SCNN1G: variants seen among roughly 807,000 people sequenced by gnomAD.
SCNN1G encodes sodium channel epithelial 1 subunit gamma, also known as epithelial sodium channel subunit gamma.
Under a neutral mutation model 64.6 loss-of-function variants are expected in SCNN1G, and 27 were observed. The observed-to-expected ratio is 0.42, with a 90% confidence interval of 0.31 to 0.58. The LOEUF is 0.58. Among genes scored for constraint, SCNN1G ranks in the 20% least tolerant of loss-of-function variants. The probability of loss-of-function intolerance (pLI) is 0.18; values close to 1 mark genes in which losing one functional copy is unlikely to be tolerated. For missense variants in SCNN1G, 743 were observed against 823.4 expected (o/e 0.90, Z 1.19); for synonymous variants, 330 against 314.2 (o/e 1.05, Z -0.53).
chr16:23,184,489 AG>A (rs1342246400), intron 1 of SCNN1G, among the ~76,000 whole-genome samples: 1 of 151,946 alleles, frequency 6.6e-6, no homozygotes, highest in African/African-American at 2.4e-5. Context: ...CAATATTTTA[AG>A]TGATAAAAAA....
At chr16:23,213,250 C>CTTT in intron 11 of SCNN1G, 87 bp downstream of exon 11, 1 of 771,276 alleles carries the variant, frequency 1.3e-6, no homozygotes, top group African/African-American at 1.9e-5. Flanking sequence ...TGGCCAAATC[C>CTTT]TCTTTTTTTT....
intron 4 of SCNN1G, 83 bp downstream of exon 4, chr16:23,192,625 A>G (rs990991758): frequency 2.6e-6 from 3 of 1,151,728 alleles, no homozygotes; most frequent in African/African-American, 1.5e-5. Context: ...TACAGCCTTG[A>G]TGATAGGTCT....
rs1164327423 is a variant in SCNN1G at position 23,186,371 on chromosome 16, C to T, written c.100C>T (p.Leu34Phe). ...TIKELMRWYC[L>F]NTNTHGCRRI... ...TAAAGAGCTGATGCGGTGGTACTGC[C>T]TCAACACCAACACCCATGGCTGTCG... Residue 34 changes from leucine (L) to phenylalanine (F), a missense_variant, in exon 2 of 13, where the codon CTC becomes TTC. Transcript: ENST00000300061. The T allele has an allele frequency of 1.2e-6, 2 of 1,614,096 alleles. No homozygotes were observed. Among genetic ancestry groups the T allele is most frequent in the East Asian group, 2.2e-5 (1 of 44,898 alleles).
At chr16:23,200,931 A>C (rs1039137032) in intron 6 of SCNN1G, among the ~76,000 whole-genome samples, 1 of 152,192 alleles carries the variant, frequency 6.6e-6, no homozygotes, top group Non-Finnish European at 1.5e-5. Flanking sequence ...GAAACCATCA[A>C]AATGGTCTTT....
intron 7 of SCNN1G, among the ~76,000 whole-genome samples, chr16:23,210,646 C>A (rs1399602045): frequency 2.6e-5 from 4 of 152,138 alleles, no homozygotes; most frequent in Non-Finnish European, 5.9e-5. Context: ...TGAGAATCAT[C>A]CCAGCAGAAC....
chr16:23,186,165 C>T (rs1959602002), intron 1 of SCNN1G, 63 bp from the exon 2 acceptor site: 8 of 1,045,656 alleles, frequency 7.7e-6, no homozygotes, highest in Non-Finnish European at 8.9e-6. Context: ...ACTGTGGTCT[C>T]CAGGGACACA....
intron 6 of SCNN1G, among the ~76,000 whole-genome samples, chr16:23,198,831 G>A (rs1461789828): frequency 6.6e-6 from 1 of 151,936 alleles, no homozygotes; most frequent in Admixed American, 6.6e-5. Flanking sequence ...GAAGTGGGAC[G>A]ATCACTTGAG....
chr16:23,213,004 C>T (rs1026586224), intron 10 of SCNN1G, 98 bp from the exon 11 acceptor site: 4 of 1,524,870 alleles, frequency 2.6e-6, no homozygotes, highest in Non-Finnish European at 3.6e-6. Context: ...AAAGAATTAC[C>T]TTGTGGAGGC....
At chr16:23,186,746 C>A (rs1959613493) in intron 2 of SCNN1G, among the ~76,000 whole-genome samples, 158 bp downstream of exon 2, 1 of 152,194 alleles carries the variant, frequency 6.6e-6, no homozygotes. Flanking sequence ...TGGTAAACAG[C>A]CCCCTCCCCA....
intron 6 of SCNN1G, among the ~76,000 whole-genome samples, chr16:23,209,486 G>T (rs1021090017): frequency 6.6e-6 from 1 of 152,058 alleles, no homozygotes; most frequent in African/African-American, 2.4e-5. Context: ...TTATTTATTT[G>T]CTTGCTGACC....
intron 11 of SCNN1G, 124 bp downstream of exon 11, chr16:23,213,287 C>CT: frequency 1.4e-6 from 1 of 699,382 alleles, no homozygotes; most frequent in Non-Finnish European, 2.5e-6. Flanking sequence ...GAGTCTTACT[C>CT]TGTCACCCAG....
At chr16:23,192,289 G>C (rs1227478315) in intron 3 of SCNN1G, 63 bp from the exon 4 acceptor site, 2 of 1,318,314 alleles carry the variant, frequency 1.5e-6, no homozygotes, top group Admixed American at 3.4e-5. Context: ...TCATTCTTAT[G>C]GTCCTTCTGA....
rs376259589 is a variant in SCNN1G at position 23,213,252 on chromosome 16, CTT to C, written c.1493+109_1493+110del. ...TTCTGTATGTGTATGGCCAAATCCT[CTT>C]TTTTTTTTTTTTTTTTTTTATGGAG... On this transcript the variant is annotated intron_variant, in intron 11 of 12. Coordinates refer to ENST00000300061, the MANE Select transcript of SCNN1G (RefSeq NM_001039.4). The C allele has an allele frequency of 8.3e-3, 4,390 of 529,246 alleles. 2 individuals carry two copies. The highest frequency in any genetic ancestry group is 0.025 in the East Asian group (764 of 30,624). The allele number at this position is 529,246 out of a possible 1,614,324, so 32.8% of individuals were successfully genotyped here.
intron 4 of SCNN1G, among the ~76,000 whole-genome samples, chr16:23,193,588 G>A (rs777336382): frequency 6.6e-5 from 10 of 152,210 alleles, no homozygotes; most frequent in Non-Finnish European, 1.3e-4. Context: ...GGTTGAGGCT[G>A]CAGTGAGCCA....
At position 23,213,273 on chromosome 16, in the gene SCNN1G, T is replaced by TTTTA. The variant is rs149635780; in HGVS notation, c.1493+110_1493+111insTTTA. The TTTTA allele has an allele frequency of 1.0e-3, 710 of 702,330 alleles. 12 individuals carry two copies. The highest frequency in any genetic ancestry group is 1.2e-3 in the Non-Finnish European group (485 of 412,158). 43.5% of individuals were successfully genotyped at this position (702,330 alleles called of 1,614,324 possible). ...TCCTCTTTTTTTTTTTTTTTTTTTT[T>TTTTA]ATGGAGTCTTACTCTGTCACCCAGG... On this transcript the variant is annotated intron_variant, in intron 11 of 12. Coordinates refer to ENST00000300061, the MANE Select transcript of SCNN1G (RefSeq NM_001039.4).
chr16:23,204,334 T>TATATATATATATATATAGAGAGAGAG (rs1567267153), intron 6 of SCNN1G, among the ~76,000 whole-genome samples: 2 of 15,172 alleles, frequency 1.3e-4, no homozygotes, highest in Non-Finnish European at 2.2e-4. Flanking sequence ...TATATATATA[T>TATATATATATATATATAGAGAGAGAG]AGAGAGAGAG....
chr16:23,194,565 A>T (rs1377973542), intron 5 of SCNN1G, among the ~76,000 whole-genome samples: 1 of 152,250 alleles, frequency 6.6e-6, no homozygotes, highest in African/African-American at 2.4e-5. Flanking sequence ...ACTCATAGCT[A>T]GGGTGAGTAA....
intron 3 of SCNN1G, among the ~76,000 whole-genome samples, chr16:23,191,779 G>A (rs1366673251): frequency 6.6e-6 from 1 of 152,158 alleles, no homozygotes; most frequent in African/African-American, 2.4e-5. Context: ...TGTGTGATAA[G>A]AACATTTGGA....
At chr16:23,192,816 C>T (rs1959730502) in intron 4 of SCNN1G, among the ~76,000 whole-genome samples, 1 of 152,062 alleles carries the variant, frequency 6.6e-6, no homozygotes, top group Admixed American at 6.6e-5. Context: ...GCCTCTAAAT[C>T]CCAGCACTTT....
Sources: allele counts gnomAD v4.1 joint callset (sites outside exome capture counted in the v4.1 genomes callset), GRCh38; gene constraint gnomAD v4.1.1; transcripts MANE v1.5; gene names NCBI Gene and HGNC (gene_info 2026-07-23, HGNC 2026-07-21).